Variants in CNTNAP1 observed in about 807,000 individuals in gnomAD.
CNTNAP1 encodes contactin-associated protein 1.
A neutral mutation model predicts 161.5 loss-of-function variants in CNTNAP1; 80 were observed. That is an observed-to-expected ratio of 0.50 (90% CI 0.41 to 0.60). The LOEUF is 0.60. CNTNAP1 is among the 20% of genes least tolerant of loss of function. CNTNAP1 has a pLI of 0.00. For missense variants in CNTNAP1, 1,464 were observed against 1,854.8 expected, an observed-to-expected ratio of 0.79 and a Z score of 3.87; for synonymous variants, 695 against 733.1, an observed-to-expected ratio of 0.95 and a Z score of 0.84.
chr17:42,684,251 T>C (rs1005895951), intron 3 of CNTNAP1, 22 bp downstream of exon 3: 4 of 1,602,902 alleles, frequency 2.5e-6, no homozygotes, highest in Admixed American at 1.7e-5. Flanking sequence ...GCCAAGGCGG[T>C]AACACTTGGG....
At position 42,685,933 on chromosome 17, in the gene CNTNAP1, C is replaced by T. The variant is rs1303982678; in HGVS notation, c.716-24C>T. The T allele has an allele frequency of 5.0e-6, 8 of 1,609,856 alleles. No homozygotes were observed. Among genetic ancestry groups the T allele is most frequent in the Non-Finnish European group, 6.8e-6 (8 of 1,176,704 alleles). ...ATGGAGTTCTCCTGGCTTGAGGTTT[C>T]ACTCTGTCCTGCCCCACCCTCAGGC... On this transcript the variant is annotated intron_variant, in intron 5 of 23. Transcript: ENST00000264638. This position sits in a 1 kb window ranked among gnomAD's most constrained non-coding sequence, Gnocchi z 5.0.
At chr17:42,689,968 T>C in intron 11 of CNTNAP1, 120 bp from the exon 12 acceptor site, 2 of 1,139,202 alleles carry the variant, frequency 1.8e-6, no homozygotes, top group East Asian at 4.9e-5. Flanking sequence ...CTCGAACTCC[T>C]GACCTCGGGT....
At position 42,699,001 on chromosome 17, in the gene CNTNAP1, A is replaced by G. The variant is rs1442007119; in HGVS notation, c.*91A>G. The G allele has an allele frequency of 5.8e-6, 7 of 1,199,184 alleles. No homozygotes were observed. The South Asian group carries it at 1.0e-4, about 17-fold the overall frequency. The allele number at this position is 1,199,184 out of a possible 1,614,324, so 74.3% of individuals were successfully genotyped here. A position where few individuals can be genotyped will look rare whatever the true frequency, so the allele number is the denominator to read the frequency against. ...CTATCAGGGACATTTGGCTCCTCTTAGCTGGCTCTGCTCATCCAGAGGATA... is the reference window on the plus strand; with the variant it reads ...CTATCAGGGACATTTGGCTCCTCTTGGCTGGCTCTGCTCATCCAGAGGATA... On this transcript the variant is annotated 3_prime_UTR_variant, in exon 24 of 24. Coordinates refer to ENST00000264638, the MANE Select transcript of CNTNAP1 (RefSeq NM_003632.3).
At chr17:42,686,871 C>T (rs773552207) in intron 6 of CNTNAP1, 32 bp from the exon 7 acceptor site, 3 of 1,573,934 alleles carry the variant, frequency 1.9e-6, no homozygotes, top group African/African-American at 2.7e-5. Flanking sequence ...CCTCCTGTGC[C>T]CAAGAGGCCT....
Position 42,696,089 on chromosome 17 carries a change from A to G in CNTNAP1, c.3411A>G (p.Pro1137=). Reference sequence around the variant, plus strand: ...ACGTGTACCAGCTAACCACTCGACCAGTGACCGATGGCCAGCCCCATAGCA... The same window carrying G: ...ACGTGTACCAGCTAACCACTCGACCGGTGACCGATGGCCAGCCCCATAGCA... ...SPYVYQLTTR[P]VTDGQPHSIN... is the part of the protein sequence containing the mutation. Residue 1137 remains proline, a synonymous_variant, in exon 20 of 24, where the codon CCA becomes CCG. Coordinates refer to ENST00000264638, the MANE Select transcript of CNTNAP1 (RefSeq NM_003632.3). 1 of 1,614,188 alleles carries G rather than the reference A, an allele frequency of 6.2e-7. No homozygotes were observed. Among genetic ancestry groups the G allele is most frequent in the South Asian group, 1.1e-5 (1 of 91,078 alleles).
Position 42,682,784 on chromosome 17 carries a change from C to A in CNTNAP1, c.-46C>A. ...GCCCAAGCCAGAACTCGAGCCCTAG[C>A]CGGAGCCGTTCACAGGGAGGCGGCT... On this transcript the variant is annotated 5_prime_UTR_variant, in exon 1 of 24. Coordinates refer to ENST00000264638, the MANE Select transcript of CNTNAP1 (RefSeq NM_003632.3). The A allele has an allele frequency of 6.5e-7, 1 of 1,541,892 alleles. No homozygotes were observed.
Position 42,691,017 on chromosome 17 carries a change from G to A in CNTNAP1, c.2059+75G>A. 6.2e-7 allele frequency: 1 copy of A among 1,601,538 alleles called. No individual in the cohort carries two copies. The highest frequency in any genetic ancestry group is 1.1e-5 in the South Asian group (1 of 89,618). ...GGGCCTGGGAGAAGGAAGCCAGAGAGCCAGCTGGGGCCTTGGGTTGGAAGA... is the reference window on the plus strand; with the variant it reads ...GGGCCTGGGAGAAGGAAGCCAGAGAACCAGCTGGGGCCTTGGGTTGGAAGA... On this transcript the variant is annotated intron_variant, in intron 13 of 23. Transcript: ENST00000264638. The surrounding 1 kb of genome is among the most constrained non-coding windows in gnomAD (Gnocchi z 4.3).
At chr17:42,696,644 A>G (rs2053156757) in intron 20 of CNTNAP1, among the ~76,000 whole-genome samples, 1 of 152,060 alleles carries the variant, frequency 6.6e-6, no homozygotes, top group Non-Finnish European at 1.5e-5. Context: ...ATTCTTATTT[A>G]AGTGTTTTAC....
intron 17 of CNTNAP1, 127 bp downstream of exon 17, chr17:42,692,847 T>G (rs2053106744): frequency 1.3e-6 from 1 of 772,624 alleles, no homozygotes. Flanking sequence ...CAAGCCAGTG[T>G]CTCACTTGTC....
rs1316074109 is a variant in CNTNAP1, at chr17:42,685,627, TACACAGAGA to T, written c.715+208_715+216del. 6.6e-6 allele frequency among the ~76,000 whole-genome samples: 1 copy of T among 152,226 alleles called. No individual in the cohort carries two copies. Among genetic ancestry groups the T allele is most frequent in the Non-Finnish European group, 1.5e-5 (1 of 68,046 alleles). ...TGGATTCCAGTCTCAGCTCTACCACTACACAGAGATGTGACCTCGGATGGGGCACTTCCG... is the reference window on the plus strand; with the variant it reads ...TGGATTCCAGTCTCAGCTCTACCACTTGTGACCTCGGATGGGGCACTTCCG... On this transcript the variant is annotated intron_variant, in intron 5 of 23. Transcript: ENST00000264638. The surrounding 1 kb of genome is among the most constrained non-coding windows in gnomAD (Gnocchi z 5.0).
In CNTNAP1 at chr17:42,692,633, C is replaced by G. The variant is rs2053103148; in HGVS notation, c.2665C>G (p.Leu889Val). ...RAEINVKQAR[L>V]RVDHRPWVLR... ...TGAAATCAACGTGAAGCAGGCCCGG[C>G]TCCGAGTGGATCACCGGCCCTGGGT... The change falls in exon 17 of 24, where the codon CTC becomes GTC. Residue 889 changes from leucine to valine, a missense_variant. Physicochemically the swap from Leu to Val is conservative, Grantham distance 32 (BLOSUM62 1). This residue lies in a region of CNTNAP1 where 1,383 missense variants were observed against 1,765.0 expected (regional missense o/e 0.78). Coordinates refer to ENST00000264638, the MANE Select transcript of CNTNAP1 (RefSeq NM_003632.3). The G allele has an allele frequency of 1.2e-6, 2 of 1,614,220 alleles. No homozygotes were observed. The highest frequency in any genetic ancestry group is 2.7e-5 in the African/African-American group (2 of 75,062).
At position 42,690,319 on chromosome 17, in the gene CNTNAP1, A is replaced by T. The variant is rs902696379; in HGVS notation, c.1855+112A>T. ...TGAGGGTAAAGGAGGACAGAGGGGAAGGGCATACTGAGGAATTTGTAACCT... is the reference window on the plus strand; with the variant it reads ...TGAGGGTAAAGGAGGACAGAGGGGATGGGCATACTGAGGAATTTGTAACCT... On this transcript the variant is annotated intron_variant, in intron 12 of 23. Coordinates refer to ENST00000264638, the MANE Select transcript of CNTNAP1 (RefSeq NM_003632.3). The T allele has an allele frequency of 3.0e-6, 4 of 1,319,534 alleles. No homozygotes were observed. In the African/African-American group the frequency reaches 5.9e-5, roughly 19 times the overall value. The allele number at this position is 1,319,534 out of a possible 1,614,324, so 81.7% of individuals were successfully genotyped here.
Position 42,695,881 on chromosome 17 carries a change from T to A in CNTNAP1, c.3346+7T>A. 1 of 1,605,996 alleles carries A rather than the reference T, an allele frequency of 6.2e-7. No individual in the cohort carries two copies. The highest frequency in any genetic ancestry group is 8.5e-7 in the Non-Finnish European group (1 of 1,173,942). On this transcript the variant is annotated splice_region_variant and intron_variant, in intron 19 of 23. Transcript: ENST00000264638. ...GTGCTCATCAAGGATGATGGTAAGC[T>A]CTCCCGGGCTCTCTCACCCCACTCC...
chr17:42,682,777 G>T lies in CNTNAP1; in HGVS notation c.-53G>T. 3.3e-6 allele frequency: 5 copies of T among 1,534,574 alleles called. No homozygotes were observed. The highest frequency in any genetic ancestry group is 4.4e-6 in the Non-Finnish European group (5 of 1,139,216). On this transcript the variant is annotated 5_prime_UTR_variant, in exon 1 of 24. Coordinates refer to ENST00000264638, the MANE Select transcript of CNTNAP1 (RefSeq NM_003632.3). The stretch of plus-strand genomic sequence containing the variant: ...GCTTGGAGCCCAAGCCAGAACTCGA[G>T]CCCTAGCCGGAGCCGTTCACAGGGA...
chr17:42,695,594 G>T lies in CNTNAP1; in HGVS notation c.3066G>T (p.Arg1022Ser), dbSNP rs372754665. Residue 1022 changes from arginine (R) to serine (S), a missense_variant, in exon 19 of 24, where the codon AGG (arginine) becomes AGT (serine). Physicochemically the swap from Arg to Ser is moderately radical, Grantham distance 110 (BLOSUM62 -1). Transcript: ENST00000264638. ...NLQSALRSAA[R>S]EFSHMLSRPV... Reference sequence around the variant, plus strand: ...AGTCAGCGCTGCGCTCTGCAGCCAGGGAGTTCTCCCACATGCTGAGCCGGC... The same window carrying T: ...AGTCAGCGCTGCGCTCTGCAGCCAGTGAGTTCTCCCACATGCTGAGCCGGC... 76 of 1,614,038 alleles carry T rather than the reference G, an allele frequency of 4.7e-5. No individual in the cohort carries two copies. Among genetic ancestry groups the T allele is most frequent in the Non-Finnish European group, 6.3e-5 (74 of 1,180,020 alleles).
In CNTNAP1 at chr17:42,695,755, T is replaced by C. The variant is rs1267447097; in HGVS notation, c.3227T>C (p.Val1076Ala). The change falls in exon 19 of 24, where the codon GTC becomes GCC. Residue 1076 changes from valine to alanine, a missense_variant. Val to Ala is a moderately conservative substitution (Grantham distance 64). Transcript: ENST00000264638. ...GRPVPGYRGP[V>A]YNVTGEEVSF... The stretch of plus-strand genomic sequence containing the variant: ...CCTGTGCCCGGTTACCGTGGGCCTG[T>C]CTACAACGTTACGGGAGAGGAGGTC... The C allele has an allele frequency of 6.2e-7, 1 of 1,614,196 alleles. No homozygotes were observed. The highest frequency in any genetic ancestry group is 8.5e-7 in the Non-Finnish European group (1 of 1,180,036).
In CNTNAP1 at chr17:42,693,556, G is replaced by C. The variant is rs376191369; in HGVS notation, c.2992+20G>C. On this transcript the variant is annotated intron_variant, in intron 18 of 23. Transcript: ENST00000264638. ...ACCACGGTAAGTGCTGCTGGTTATG[G>C]GGCAACAGGGAGCCATAGGGTGTAA... 13 of 1,608,306 alleles carry C rather than the reference G, an allele frequency of 8.1e-6. No individual in the cohort carries two copies. The highest frequency in any genetic ancestry group is 2.7e-5 in the African/African-American group (2 of 74,842).
rs373542379 is a variant in CNTNAP1, at chr17:42,687,096, A to G, written c.1044+50A>G. On this transcript the variant is annotated intron_variant, in intron 7 of 23. Coordinates refer to ENST00000264638, the MANE Select transcript of CNTNAP1 (RefSeq NM_003632.3). This position sits in a 1 kb window ranked among gnomAD's most constrained non-coding sequence, Gnocchi z 4.7. ...GGACAGGATATCAAAGCGTCGTGGAAAGCAAAGAGGTGGAGCGGGAAGAGA... is the reference window on the plus strand; with the variant it reads ...GGACAGGATATCAAAGCGTCGTGGAGAGCAAAGAGGTGGAGCGGGAAGAGA... 5.3e-5 allele frequency: 84 copies of G among 1,587,832 alleles called. No homozygotes were observed. Among genetic ancestry groups the G allele is most frequent in the Non-Finnish European group, 6.5e-5 (75 of 1,160,912 alleles).
At chr17:42,697,420 T>A (rs373435100) in intron 21 of CNTNAP1, 53 bp downstream of exon 21, 164 of 1,609,158 alleles carry the variant, frequency 1.0e-4, no homozygotes, top group Non-Finnish European at 1.8e-5. Context: ...CATATGTTCC[T>A]GGATCCTCAA....
Sources: allele counts gnomAD v4.1 joint callset (sites outside exome capture counted in the v4.1 genomes callset), GRCh38; gene constraint gnomAD v4.1.1; regional missense constraint gnomAD v4.1.1; non-coding constraint Gnocchi (gnomAD v3.1); transcripts MANE v1.5; gene names NCBI Gene and HGNC (gene_info 2026-07-23, HGNC 2026-07-21).